Variants in DOCK8 observed in about 807,000 individuals in gnomAD.
DOCK8 encodes the protein dedicator of cytokinesis protein 8.
In DOCK8, 141 loss-of-function variants were observed where a neutral mutation model predicts 245.6. The ratio of observed to expected loss-of-function variants is 0.57; its 90% confidence interval spans 0.50 to 0.66. The LOEUF is 0.66. Among genes scored for constraint, DOCK8 ranks in the 30% least tolerant of loss-of-function variants. The pLI is 0.00. For missense variants in DOCK8, 2,965 were observed against 2,603.4 expected (o/e 1.14, Z -3.02); for synonymous variants, 1,168 against 970.2 (o/e 1.20, Z -3.79).
At chr9:451,445 A>G (rs1377180269) in intron 45 of DOCK8, among the ~76,000 whole-genome samples, 1 of 152,114 alleles carries the variant, frequency 6.6e-6, no homozygotes, top group East Asian at 1.9e-4. Context: ...CAATGTGGCA[A>G]AATCCCATCA....
chr9:222,032 G>T (rs1320331396), intron 1 of DOCK8, among the ~76,000 whole-genome samples: 1 of 151,938 alleles, frequency 6.6e-6, no homozygotes, highest in Non-Finnish European at 1.5e-5. Context: ...GGCAGACACA[G>T]GAGAATCAGT....
At chr9:400,278 CACT>C (rs541127741) in intron 26 of DOCK8, among the ~76,000 whole-genome samples, 29 of 78,758 alleles carry the variant, frequency 3.7e-4, no homozygotes, top group African/African-American at 1.7e-3. Context: ...CCATCACCAC[CACT>C]TCCTTCACCA....
chr9:421,125 CTGTT>C, intron 32 of DOCK8, 47 bp downstream of exon 32: 1 of 1,612,382 alleles, frequency 6.2e-7, no homozygotes, highest in Non-Finnish European at 8.5e-7. Context: ...CAGTTTTTCA[CTGTT>C]TGTGGGGAGG....
rs117664119 is a variant in DOCK8, at chr9:322,473, C to T, written c.828-3198C>T. Among the ~76,000 whole-genome samples the T allele has an allele frequency of 1.1e-4, 16 of 152,302 alleles. 1 individual carries two copies. Among genetic ancestry groups the T allele is most frequent in the South Asian group, 2.1e-4 (1 of 4,824 alleles). Reference sequence around the variant, plus strand: ...GAGATGGCTGGGCTCAAAACCTGACCGTGCCAGTCCCTAACTGTGTAGACT... The same window carrying T: ...GAGATGGCTGGGCTCAAAACCTGACTGTGCCAGTCCCTAACTGTGTAGACT... On this transcript the variant is annotated intron_variant, in intron 7 of 47. Transcript: ENST00000432829.
intron 44 of DOCK8, among the ~76,000 whole-genome samples, chr9:449,254 G>T (rs1243839824): frequency 1.3e-5 from 2 of 152,156 alleles, no homozygotes. Flanking sequence ...GGAGGCTGAG[G>T]CAGGAGAATT....
intron 8 of DOCK8, among the ~76,000 whole-genome samples, chr9:326,195 C>A (rs1439241694): frequency 6.6e-6 from 1 of 152,166 alleles, no homozygotes; most frequent in Non-Finnish European, 1.5e-5. Flanking sequence ...AAACAGTGAC[C>A]AAGACCTCTC....
chr9:333,440 A>C (rs1251384649), intron 10 of DOCK8, among the ~76,000 whole-genome samples: 4 of 152,080 alleles, frequency 2.6e-5, no homozygotes. Flanking sequence ...TCTCTGCTAA[A>C]AATACAAAAA....
intron 22 of DOCK8, among the ~76,000 whole-genome samples, chr9:382,887 G>A (rs1044371641): frequency 3.9e-5 from 6 of 152,020 alleles, no homozygotes; most frequent in Non-Finnish European, 7.4e-5. Context: ...CAGCATCTGA[G>A]GATTTGCTGA....
intron 2 of DOCK8, among the ~76,000 whole-genome samples, chr9:280,535 G>A (rs1190425022): frequency 6.6e-6 from 1 of 152,194 alleles, no homozygotes; most frequent in Admixed American, 6.5e-5. Flanking sequence ...AACAGACTGA[G>A]CTCCCTTGGG....
chr9:390,011 C>G (rs554059435), intron 23 of DOCK8, among the ~76,000 whole-genome samples: 156 of 151,628 alleles, frequency 1.0e-3, no homozygotes, highest in African/African-American at 3.6e-3. Flanking sequence ...CAGAGTGCAG[C>G]CCTATCTCAA....
At chr9:284,752 C>G (rs2048740200) in intron 2 of DOCK8, among the ~76,000 whole-genome samples, 1 of 152,176 alleles carries the variant, frequency 6.6e-6, no homozygotes, top group African/African-American at 2.4e-5. Flanking sequence ...CCATGGAATA[C>G]TATGCAGCCA....
intron 1 of DOCK8, among the ~76,000 whole-genome samples, chr9:235,962 G>T (rs781088278): frequency 2.0e-5 from 3 of 152,214 alleles, no homozygotes; most frequent in Non-Finnish European, 2.9e-5. Context: ...ACCTCAGTTG[G>T]AAATGCAGAA....
intron 46 of DOCK8, among the ~76,000 whole-genome samples, chr9:459,342 T>G (rs1041591533): frequency 6.6e-6 from 1 of 152,218 alleles, no homozygotes; most frequent in African/African-American, 2.4e-5. Context: ...ATAAAATAAT[T>G]TTTTGCATTA....
intron 2 of DOCK8, among the ~76,000 whole-genome samples, chr9:284,768 A>C (rs1414806253): frequency 6.6e-6 from 1 of 152,222 alleles, no homozygotes; most frequent in Non-Finnish European, 1.5e-5. Context: ...AGCCATAAAA[A>C]TAATGAGATC....
At chr9:373,784 C>T (rs1480186111) in intron 18 of DOCK8, among the ~76,000 whole-genome samples, 1 of 152,198 alleles carries the variant, frequency 6.6e-6, no homozygotes, top group East Asian at 1.9e-4. Context: ...TCATCAAAGC[C>T]ATCTAAGGGG....
At chr9:363,631 C>T (rs1427421982) in intron 14 of DOCK8, among the ~76,000 whole-genome samples, 1 of 152,190 alleles carries the variant, frequency 6.6e-6, no homozygotes, top group Non-Finnish European at 1.5e-5. Flanking sequence ...CAGGCAAACT[C>T]ATTTAACCTT....
At chr9:260,021 A>G (rs1563848515) in intron 1 of DOCK8, among the ~76,000 whole-genome samples, 2 of 152,234 alleles carry the variant, frequency 1.3e-5, no homozygotes, top group Non-Finnish European at 2.9e-5. Context: ...GGCACCACAT[A>G]TAGCCATTTT....
intron 2 of DOCK8, chr9:284,285 C>T (rs757995213): frequency 3.3e-5 from 5 of 152,260 alleles, no homozygotes; most frequent in Non-Finnish European, 5.9e-5. Context: ...TCACCAGTGT[C>T]CTAATGCAAA....
At chr9:290,929 C>T (rs2130374455) in intron 4 of DOCK8, among the ~76,000 whole-genome samples, 2 of 152,146 alleles carry the variant, frequency 1.3e-5, no homozygotes, top group African/African-American at 4.8e-5. Flanking sequence ...TTTTCAGCAG[C>T]AGAAAAAGAG....
Sources: allele counts gnomAD v4.1 joint callset (sites outside exome capture counted in the v4.1 genomes callset), GRCh38; gene constraint gnomAD v4.1.1; transcripts MANE v1.5; gene names NCBI Gene and HGNC (gene_info 2026-07-23, HGNC 2026-07-21).